HECW2: variants seen among roughly 807,000 people sequenced by gnomAD.
The protein encoded by HECW2 is E3 ubiquitin-protein ligase HECW2.
A neutral mutation model predicts 175.2 loss-of-function variants in HECW2; 61 were observed. That is an observed-to-expected ratio of 0.35 (90% CI 0.28 to 0.43). The LOEUF (loss-of-function observed/expected upper bound fraction) is 0.43. Among genes scored for constraint, HECW2 ranks in the 20% least tolerant of loss-of-function variants. The pLI, the probability that HECW2 is intolerant of heterozygous loss-of-function variation, is 1.00. For missense variants in HECW2, 1,524 were observed against 2,000.5 expected (o/e 0.76, Z 4.54); for synonymous variants, 671 against 731.0 (o/e 0.92, Z 1.32).
At chr2:196,559,320 A>G (rs969940740) in intron 1 of HECW2, among the ~76,000 whole-genome samples, 1 of 152,182 alleles carries the variant, frequency 6.6e-6, no homozygotes, top group Non-Finnish European at 1.5e-5. Flanking sequence ...CCTACCTGAC[A>G]TGTCCACCCT....
intron 1 of HECW2, among the ~76,000 whole-genome samples, chr2:196,523,007 C>G (rs1437056264): frequency 2.8e-4 from 43 of 151,678 alleles, no homozygotes; most frequent in African/African-American, 9.5e-4. Flanking sequence ...TTTTCCAATT[C>G]TGTGAAGAAC....
intron 9 of HECW2, 111 bp downstream of exon 9, chr2:196,318,441 A>T: frequency 8.0e-7 from 1 of 1,249,468 alleles, no homozygotes; most frequent in South Asian, 3.1e-5. Context: ...AAGGTGAGGA[A>T]TTCAGGTCAT....
At chr2:196,322,743 A>G (rs1181963534) in intron 6 of HECW2, 123 bp from the exon 7 acceptor site, 3 of 783,960 alleles carry the variant, frequency 3.8e-6, no homozygotes, top group Non-Finnish European at 6.0e-6. Flanking sequence ...CCACATAGCT[A>G]GAAATAGCTG....
chr2:196,313,562 A>T (rs1289924037), intron 10 of HECW2, among the ~76,000 whole-genome samples: 1 of 152,210 alleles, frequency 6.6e-6, no homozygotes, highest in Admixed American at 6.5e-5. Context: ...CTAAGGCAAG[A>T]GTAAGATTTT....
chr2:196,239,382 C>T (rs1688367460), intron 21 of HECW2: 3 of 152,138 alleles, frequency 2.0e-5, no homozygotes, highest in Admixed American at 2.0e-4. Flanking sequence ...CAGAGCTAGT[C>T]CAAGAGTACC....
At chr2:196,420,745 C>CT (rs201896327) in intron 2 of HECW2, among the ~76,000 whole-genome samples, 8 of 150,944 alleles carry the variant, frequency 5.3e-5, no homozygotes, top group Admixed American at 6.6e-5. Context: ...TAAGTCAGTT[C>CT]TTTTTTTTTC....
rs771497554 is a variant in HECW2, at chr2:196,317,381, G to A, written c.2339-12C>T. ...GTTGGCTTGAGAACCTAGGATTAAAGGTAGAAAGTTACCAGGTATTGTTTT... is the reference window on the plus strand; with the variant it reads ...GTTGGCTTGAGAACCTAGGATTAAAAGTAGAAAGTTACCAGGTATTGTTTT... On this transcript the variant is annotated splice_polypyrimidine_tract_variant and intron_variant, in intron 9 of 28. Transcript: ENST00000644978. The A allele has an allele frequency of 2.5e-6, 4 of 1,588,964 alleles. No homozygotes were observed. Among genetic ancestry groups the A allele is most frequent in the African/African-American group, 1.3e-5 (1 of 74,452 alleles).
chr2:196,508,241 C>A (rs983135757), intron 1 of HECW2, among the ~76,000 whole-genome samples: 12 of 152,180 alleles, frequency 7.9e-5, no homozygotes, highest in African/African-American at 2.9e-4. Flanking sequence ...TTTACTACAA[C>A]TGCAGAAGGG....
At chr2:196,277,011 A>T (rs1689983394) in intron 15 of HECW2, among the ~76,000 whole-genome samples, 1 of 152,232 alleles carries the variant, frequency 6.6e-6, no homozygotes, top group African/African-American at 2.4e-5. Flanking sequence ...AAAGGCATGT[A>T]AAGGTGGGTA....
At chr2:196,558,464 G>C (rs919073729) in intron 1 of HECW2, among the ~76,000 whole-genome samples, 2 of 152,174 alleles carry the variant, frequency 1.3e-5, no homozygotes, top group African/African-American at 2.4e-5. Flanking sequence ...GATACTATAT[G>C]AGCATGAGCA....
chr2:196,307,940 G>T lies in HECW2; in HGVS notation c.2580C>A (p.Asn860Lys), dbSNP rs1187870315. The T allele has an allele frequency of 6.5e-7, 1 of 1,540,878 alleles. No homozygotes were observed. The highest frequency in any genetic ancestry group is 2.3e-5 in the East Asian group (1 of 43,048). Residue 860 changes from asparagine (N) to lysine (K), a missense_variant, in exon 11 of 29, where the codon AAC becomes AAA. Asn to Lys is a moderately conservative substitution (Grantham distance 94). Transcript: ENST00000644978. ...SNSIQQMEQL[N>K]RRYQSIRRTM... Reference sequence around the variant, plus strand: ...AGCAAAATGTTCATCCTCACCGCCGGTTCAGCTGCTCCATTTGCTGTATGG... The same window carrying T: ...AGCAAAATGTTCATCCTCACCGCCGTTTCAGCTGCTCCATTTGCTGTATGG...
chr2:196,512,108 T>C lies in HECW2; in HGVS notation c.-35-78650A>G, dbSNP rs370973098. 2.7e-3 allele frequency among the ~76,000 whole-genome samples: 415 copies of C among 152,310 alleles called. 2 individuals carry two copies. Among genetic ancestry groups the C allele is most frequent in the African/African-American group, 9.2e-3 (384 of 41,568 alleles). The stretch of plus-strand genomic sequence containing the variant: ...TGAAGACATATGTATGCACACTCTG[T>C]GTGAAAGACCTGTGGAGACCTGGAG... On this transcript the variant is annotated intron_variant, in intron 1 of 28. Transcript: ENST00000644978.
At chr2:196,290,875 G>GTAAAATAAT (rs2106025675) in intron 14 of HECW2, 1 of 152,098 alleles carries the variant, frequency 6.6e-6, no homozygotes, top group Admixed American at 6.5e-5. Context: ...TGTGGTCCAG[G>GTAAAATAAT]GACATAATCA....
chr2:196,512,529 C>A (rs1017056061), intron 1 of HECW2, among the ~76,000 whole-genome samples: 1 of 151,852 alleles, frequency 6.6e-6, no homozygotes, highest in African/African-American at 2.4e-5. Flanking sequence ...GCAGCCAGGA[C>A]TACAGGCACG....
chr2:196,540,738 G>C (rs1444936291), intron 1 of HECW2, among the ~76,000 whole-genome samples: 3 of 152,080 alleles, frequency 2.0e-5, no homozygotes, highest in Non-Finnish European at 4.4e-5. Flanking sequence ...CACCTGGTCA[G>C]GAATCTAAAT....
chr2:196,376,549 T>C, intron 2 of HECW2, among the ~76,000 whole-genome samples: 1 of 150,470 alleles, frequency 6.6e-6, no homozygotes, highest in East Asian at 2.0e-4. Flanking sequence ...AGCAATTGCT[T>C]GAACCAGGGA....
intron 13 of HECW2, among the ~76,000 whole-genome samples, chr2:196,305,074 G>A (rs115783395): frequency 2.7e-4 from 41 of 152,094 alleles, no homozygotes; most frequent in African/African-American, 8.7e-4. Context: ...GGAGTTAATC[G>A]TCCACTCCAG....
At position 196,318,760 on chromosome 2, in the gene HECW2, T is replaced by C; in HGVS notation, c.2130A>G (p.Val710=). The stretch of plus-strand genomic sequence containing the variant: ...CTTCATCCTCCCCACTGGGCACCTG[T>C]ACCACAGGTAAAGAACCAGCAGTGC... ...SVCTAGSLPV[V]QVPSGEDEGP... Residue 710 remains valine (V), a synonymous_variant, in exon 9 of 29, where the codon GTA becomes GTG. Coordinates refer to ENST00000644978, the MANE Select transcript of HECW2 (RefSeq NM_001348768.2). 6.5e-7 allele frequency: 1 copy of C among 1,528,108 alleles called. No individual in the cohort carries two copies. The highest frequency in any genetic ancestry group is 8.8e-7 in the Non-Finnish European group (1 of 1,137,146). The allele number at this position is 1,528,108 out of a possible 1,614,324, so 94.7% of individuals were successfully genotyped here. A position where few individuals can be genotyped will look rare whatever the true frequency, so the allele number is the denominator to read the frequency against.
intron 1 of HECW2, among the ~76,000 whole-genome samples, chr2:196,544,844 C>T (rs1029987691): frequency 1.3e-5 from 2 of 152,168 alleles, no homozygotes; most frequent in African/African-American, 4.8e-5. Context: ...GAACAGGGAA[C>T]AGCAAAGGAA....
Sources: gnomAD v4.1 joint callset for allele counts (sites outside exome capture counted in the v4.1 genomes callset) on GRCh38, gnomAD v4.1.1 for gene constraint, MANE v1.5 for transcripts, NCBI Gene and HGNC (gene_info 2026-07-23, HGNC 2026-07-21) for gene names.